The following IGF1R variants were observed in gnomAD, a reference collection of about 807,000 sequenced individuals.
IGF1R encodes insulin-like growth factor 1 receptor.
Under a neutral mutation model 144.6 loss-of-function variants are expected in IGF1R, and 44 were observed. The observed-to-expected ratio is 0.30, with a 90% CI of 0.24 to 0.39. The LOEUF is 0.39. Among genes scored for constraint, IGF1R ranks in the 10% least tolerant of loss-of-function variants. The pLI, the probability that IGF1R is intolerant of heterozygous loss-of-function variation, is 1.00. For missense variants in IGF1R, 1,355 were observed against 1,833.7 expected, an observed-to-expected ratio of 0.74 and a Z score of 4.77; for synonymous variants, 795 against 722.8, an observed-to-expected ratio of 1.10 and a Z score of -1.60.
intron 2 of IGF1R, among the ~76,000 whole-genome samples, chr15:98,844,386 C>T (rs1165537398): frequency 2.0e-5 from 3 of 152,176 alleles, no homozygotes; most frequent in Admixed American, 6.5e-5. Flanking sequence ...AAGTCCTGAA[C>T]ATCTTTCTAT....
intron 20 of IGF1R, among the ~76,000 whole-genome samples, chr15:98,952,546 A>C: frequency 6.6e-6 from 1 of 152,192 alleles, no homozygotes; most frequent in East Asian, 1.9e-4. Context: ...CAGCCCATGA[A>C]AGCAGGTGTG....
At position 98,930,337 on chromosome 15, in the gene IGF1R, T is replaced by A. The variant is rs181582889; in HGVS notation, c.2956+32T>A. On this transcript the variant is annotated intron_variant, in intron 15 of 20. Transcript: ENST00000650285. ...GTCCGGGCCACCAGCACTGCCAGCG[T>A]GCAGGGCAGGTAGATCGGGAGCTTT... 1.2e-5 allele frequency: 19 copies of A among 1,534,042 alleles called. No homozygotes were observed. In the African/African-American group the frequency reaches 2.3e-4, roughly 19 times the overall value.
chr15:98,852,584 A>G (rs906314675), intron 2 of IGF1R, among the ~76,000 whole-genome samples: 3 of 152,078 alleles, frequency 2.0e-5, no homozygotes, highest in Admixed American at 2.0e-4. Flanking sequence ...AACCTTCCCC[A>G]TAAACAAGAT....
chr15:98,924,985 C>T lies in IGF1R; in HGVS notation c.2782+301C>T, dbSNP rs947857505. 7.9e-5 allele frequency among the ~76,000 whole-genome samples: 11 copies of T among 138,722 alleles called. No individual in the cohort carries two copies. In the Middle Eastern group the frequency reaches 0.012, roughly 146 times the overall value. The allele number at this position is 138,722 out of a possible 152,430, so 91.0% of individuals were successfully genotyped here. A position where few individuals can be genotyped will look rare whatever the true frequency, so the allele number is the denominator to read the frequency against. ...AGACAGTTGCTTTCAACCTGGCTTA[C>T]ATTCAAAGACTTTTTTTTTTTTTTA... On this transcript the variant is annotated intron_variant, in intron 13 of 20. Coordinates refer to ENST00000650285, the MANE Select transcript of IGF1R (RefSeq NM_000875.5).
chr15:98,885,568 T>G (rs1310199840), intron 2 of IGF1R, among the ~76,000 whole-genome samples: 1 of 152,190 alleles, frequency 6.6e-6, no homozygotes, highest in Non-Finnish European at 1.5e-5. Context: ...GATGCATGCC[T>G]GCTAGGGAAA....
intron 2 of IGF1R, among the ~76,000 whole-genome samples, chr15:98,830,132 G>A (rs573522443): frequency 6.6e-6 from 1 of 152,304 alleles, no homozygotes; most frequent in South Asian, 2.1e-4. Context: ...TTCGAGATCA[G>A]CTTAAGCTTC....
At chr15:98,803,285 A>G (rs1175849772) in intron 2 of IGF1R, among the ~76,000 whole-genome samples, 1 of 152,176 alleles carries the variant, frequency 6.6e-6, no homozygotes, top group East Asian at 1.9e-4. Context: ...ATGGTAACAC[A>G]GTGGTAAGTA....
intron 2 of IGF1R, among the ~76,000 whole-genome samples, chr15:98,766,350 G>C (rs1250389650): frequency 1.3e-5 from 2 of 152,160 alleles, no homozygotes; most frequent in South Asian, 2.1e-4. Context: ...TGTCTCTTCT[G>C]TCTCTTTTCT....
At chr15:98,822,881 A>G (rs1002704870) in intron 2 of IGF1R, among the ~76,000 whole-genome samples, 2 of 152,260 alleles carry the variant, frequency 1.3e-5, no homozygotes, top group East Asian at 3.8e-4. Flanking sequence ...TGACTAAATT[A>G]GAAACATTCT....
At chr15:98,880,417 G>T (rs141250643) in intron 2 of IGF1R, among the ~76,000 whole-genome samples, 1 of 152,128 alleles carries the variant, frequency 6.6e-6, no homozygotes, top group Non-Finnish European at 1.5e-5. Flanking sequence ...CCAGCGTTGC[G>T]TGTTGGTTCC....
intron 2 of IGF1R, among the ~76,000 whole-genome samples, chr15:98,724,792 C>G (rs1446687561): frequency 4.6e-5 from 7 of 152,158 alleles, no homozygotes; most frequent in Non-Finnish European, 1.0e-4. Context: ...CTCGGTATCC[C>G]TCAGAGCCGG....
rs567813509 is a variant in IGF1R, at chr15:98,771,551, G to A, written c.640+63444G>A. Among the ~76,000 whole-genome samples, 3 of 152,276 alleles carry A rather than the reference G, an allele frequency of 2.0e-5. No homozygotes were observed. The South Asian group carries it at 6.2e-4, about 32-fold the overall frequency. ...TTATATATAGTGAGACCCAGTAAAC[G>A]GTGATGTCGCAGGTGAGGCAGTTGA... On this transcript the variant is annotated intron_variant, in intron 2 of 20. Transcript: ENST00000650285.
intron 15 of IGF1R, among the ~76,000 whole-genome samples, chr15:98,934,178 A>C (rs2016053098): frequency 6.7e-6 from 1 of 149,042 alleles, no homozygotes; most frequent in Admixed American, 6.8e-5. Context: ...TGGACTGGCC[A>C]CATGGAATGC....
chr15:98,885,651 C>G (rs1482173136), intron 2 of IGF1R, among the ~76,000 whole-genome samples: 2 of 152,210 alleles, frequency 1.3e-5, no homozygotes, highest in East Asian at 3.8e-4. Context: ...TGGCCCTAAA[C>G]TCTTCCGTAT....
chr15:98,867,549 G>C (rs2012521554), intron 2 of IGF1R, among the ~76,000 whole-genome samples: 1 of 152,100 alleles, frequency 6.6e-6, no homozygotes, highest in Middle Eastern at 3.4e-3. Flanking sequence ...AAGTGTTCTT[G>C]TCCTCCCGTT....
In IGF1R at chr15:98,707,550, G is replaced by GTC. The variant is rs780029944; in HGVS notation, c.95-9_95-8dup. The GTC allele has an allele frequency of 2.5e-5, 40 of 1,613,760 alleles. No homozygotes were observed. Among genetic ancestry groups the GTC allele is most frequent in the Non-Finnish European group, 3.1e-5 (37 of 1,179,860 alleles). On this transcript the variant is annotated splice_polypyrimidine_tract_variant and intron_variant, in intron 1 of 20. Transcript: ENST00000650285. The surrounding 1 kb of genome is among the most constrained non-coding windows in gnomAD (Gnocchi z 6.7). Reference sequence around the variant, plus strand: ...TTCTAACTGAGACGTTTACCCTCTTGTCTCCCTTCAGTCTGCGGGCCAGGC... The same window carrying GTC: ...TTCTAACTGAGACGTTTACCCTCTTGTCTCTCCCTTCAGTCTGCGGGCCAGGC...
At chr15:98,922,518 C>CAGGGCCATGACCCTT in intron 11 of IGF1R, 87 bp downstream of exon 11, 1 of 1,503,496 alleles carries the variant, frequency 6.7e-7, no homozygotes, top group Admixed American at 1.7e-5. Context: ...GTCTGACACC[C>CAGGGCCATGACCCTT]AGGGCCATGA....
chr15:98,679,283 T>C (rs912159108), intron 1 of IGF1R, among the ~76,000 whole-genome samples: 2 of 152,224 alleles, frequency 1.3e-5, no homozygotes, highest in African/African-American at 4.8e-5. Context: ...CAGTTGTATG[T>C]AGTATTTTCT....
At chr15:98,911,523 T>C in intron 7 of IGF1R, 82 bp downstream of exon 7, 1 of 1,586,628 alleles carries the variant, frequency 6.3e-7, no homozygotes, top group Non-Finnish European at 8.6e-7. Context: ...TTGAATGGGC[T>C]GGCTGAATAC....
Sources: allele counts gnomAD v4.1 joint callset (sites outside exome capture counted in the v4.1 genomes callset), GRCh38; gene constraint gnomAD v4.1.1; non-coding constraint Gnocchi (gnomAD v3.1); transcripts MANE v1.5; gene names NCBI Gene and HGNC (gene_info 2026-07-23, HGNC 2026-07-21).